Variants in SRRM4 observed in about 807,000 individuals in gnomAD.
SRRM4 encodes serine/arginine repetitive matrix 4, also known as serine/arginine repetitive matrix protein 4.
A neutral mutation model predicts 68.9 loss-of-function variants in SRRM4; 33 were observed. That is an observed-to-expected ratio of 0.48 (90% CI 0.36 to 0.64). The LOEUF (loss-of-function observed/expected upper bound fraction) is 0.64, where lower values mean the gene tolerates loss of function less well. Among genes scored for constraint, SRRM4 ranks in the 30% least tolerant of loss-of-function variants. The probability of loss-of-function intolerance (pLI) is 0.00; values close to 1 mark genes in which losing one functional copy is unlikely to be tolerated. For missense variants in SRRM4, 817 were observed against 827.1 expected (o/e 0.99, Z 0.15); for synonymous variants, 318 against 318.8 (o/e 1.00, Z 0.03).
intron 1 of SRRM4, among the ~76,000 whole-genome samples, chr12:119,065,027 T>A (rs544315629): frequency 2.6e-5 from 4 of 152,294 alleles, no homozygotes; most frequent in Non-Finnish European, 4.4e-5. Context: ...CATGTTAACC[T>A]CTTTATATAT....
At chr12:119,137,672 G>A (rs943892557) in intron 8 of SRRM4, among the ~76,000 whole-genome samples, 10 of 150,214 alleles carry the variant, frequency 6.7e-5, no homozygotes, top group Admixed American at 6.7e-4. Flanking sequence ...GGTTGAGGGA[G>A]TAAAAAGGGA....
At chr12:119,105,836 T>C (rs1954104561) in intron 2 of SRRM4, among the ~76,000 whole-genome samples, 1 of 152,236 alleles carries the variant, frequency 6.6e-6, no homozygotes, top group South Asian at 2.1e-4. Flanking sequence ...TTAGATCCCA[T>C]TTGTCAATTT....
In SRRM4 at chr12:119,018,021, A is replaced by G. The variant is rs545206365; in HGVS notation, c.131+36008A>G. On this transcript the variant is annotated intron_variant, in intron 1 of 12. Transcript: ENST00000267260. The stretch of plus-strand genomic sequence containing the variant: ...TTAGCAGGATCATTGTGAATATTAA[A>G]TAAAACAATGTCAATAAAAGGCTTG... Among the ~76,000 whole-genome samples, 8 of 152,320 alleles carry G rather than the reference A, an allele frequency of 5.3e-5. No individual in the cohort carries two copies. In the South Asian group the frequency reaches 1.7e-3, roughly 32 times the overall value.
chr12:119,034,417 C>A (rs1004228627), intron 1 of SRRM4, among the ~76,000 whole-genome samples: 2 of 152,130 alleles, frequency 1.3e-5, no homozygotes, highest in African/African-American at 4.8e-5. Flanking sequence ...TGGGGCATCC[C>A]GGTCTCCATC....
At chr12:118,992,243 C>T (rs1953321487) in intron 1 of SRRM4, 1 of 152,194 alleles carries the variant, frequency 6.6e-6, no homozygotes, top group African/African-American at 2.4e-5. Flanking sequence ...TGCCCAACGT[C>T]AGGGCTCTTG....
At chr12:119,148,238 C>A (rs975662766) in intron 9 of SRRM4, among the ~76,000 whole-genome samples, 4 of 152,298 alleles carry the variant, frequency 2.6e-5, no homozygotes, top group Middle Eastern at 3.4e-3. Flanking sequence ...CTAACACATA[C>A]CCCATTTCAG....
chr12:119,143,518 G>A (rs751508739), intron 8 of SRRM4, among the ~76,000 whole-genome samples: 5 of 152,104 alleles, frequency 3.3e-5, no homozygotes, highest in South Asian at 2.1e-4. Flanking sequence ...TAGACCCTTG[G>A]ACCATTTCAG....
intron 1 of SRRM4, among the ~76,000 whole-genome samples, chr12:119,009,185 C>A (rs563701201): frequency 6.6e-6 from 1 of 152,228 alleles, no homozygotes; most frequent in East Asian, 1.9e-4. Context: ...GGCTCCGGAG[C>A]GAGATGCTAA....
At chr12:119,119,348 C>T (rs1484226699) in intron 4 of SRRM4, among the ~76,000 whole-genome samples, 3 of 151,600 alleles carry the variant, frequency 2.0e-5, no homozygotes, top group African/African-American at 4.8e-5. Context: ...AAACCCAGTC[C>T]CTGCCCTCCA....
Position 119,156,657 on chromosome 12 carries a change from C to T in SRRM4, c.1695C>T (p.Arg565=). 1 of 1,576,636 alleles carries T rather than the reference C, an allele frequency of 6.3e-7. No homozygotes were observed. The highest frequency in any genetic ancestry group is 1.4e-5 in the African/African-American group (1 of 73,898). The change falls in exon 13 of 13, where the codon CGC becomes CGT. Residue 565 remains arginine (R), a synonymous_variant. Transcript: ENST00000267260. ...GGAGCCGGAGACGGAGCCGGACCCG[C>T]ACGAGCAGCAGCTCTAGCTCCCGCA... The part of the protein sequence containing the change: ...RSRSRRRSRT[R]TSSSSSSRSP...
At chr12:119,082,308 C>T (rs1592891381) in intron 1 of SRRM4, among the ~76,000 whole-genome samples, 1 of 152,164 alleles carries the variant, frequency 6.6e-6, no homozygotes, top group Non-Finnish European at 1.5e-5. Context: ...CCCCCATCCC[C>T]GCCTCCACCA....
At chr12:119,047,321 A>C (rs1231406036) in intron 1 of SRRM4, among the ~76,000 whole-genome samples, 2 of 152,062 alleles carry the variant, frequency 1.3e-5, no homozygotes, top group Non-Finnish European at 2.9e-5. Flanking sequence ...TTCTTTTATT[A>C]TTAACTTTAA....
chr12:119,147,669 T>C (rs1051538948), intron 9 of SRRM4, among the ~76,000 whole-genome samples: 77 of 152,340 alleles, frequency 5.1e-4, no homozygotes, highest in African/African-American at 1.8e-3. Context: ...AGATATACCA[T>C]AGTATAATTT....
At chr12:119,111,247 A>G (rs1340118115) in intron 2 of SRRM4, among the ~76,000 whole-genome samples, 1 of 152,184 alleles carries the variant, frequency 6.6e-6, no homozygotes, top group Non-Finnish European at 1.5e-5. Flanking sequence ...CTTAACAACT[A>G]TTCTGCCCTT....
At chr12:118,990,118 A>G (rs944742808) in intron 1 of SRRM4, 1 of 152,226 alleles carries the variant, frequency 6.6e-6, no homozygotes, top group South Asian at 2.1e-4. Context: ...TCAAGACCCT[A>G]TTTTACAGAT....
chr12:119,001,611 T>A (rs1187876251), intron 1 of SRRM4: 1 of 152,224 alleles, frequency 6.6e-6, no homozygotes, highest in Non-Finnish European at 1.5e-5. Flanking sequence ...GTTTCATATA[T>A]GAACCCTGTC....
chr12:119,136,058 C>A (rs1249246639), intron 8 of SRRM4, among the ~76,000 whole-genome samples: 1 of 152,148 alleles, frequency 6.6e-6, no homozygotes. Context: ...TGGGACATAA[C>A]CCTCAAAGTA....
chr12:119,108,421 A>G (rs576984927), intron 2 of SRRM4, among the ~76,000 whole-genome samples: 1 of 152,244 alleles, frequency 6.6e-6, no homozygotes, highest in African/African-American at 2.4e-5. Flanking sequence ...GGGGTGTTAA[A>G]GTCTCCCATT....
chr12:119,042,720 T>C (rs1156471623), intron 1 of SRRM4, among the ~76,000 whole-genome samples: 1 of 148,366 alleles, frequency 6.7e-6, no homozygotes, highest in East Asian at 2.0e-4. Context: ...GGAGGGGAGA[T>C]TGGAGATGGA....
Sources: gnomAD v4.1 joint callset for allele counts (sites outside exome capture counted in the v4.1 genomes callset) on GRCh38, gnomAD v4.1.1 for gene constraint, MANE v1.5 for transcripts, NCBI Gene and HGNC (gene_info 2026-07-23, HGNC 2026-07-21) for gene names.